The following ARL1 variants were observed in gnomAD, a reference collection of about 807,000 sequenced individuals.
The protein encoded by ARL1 is ARF like GTPase 1.
Under a neutral mutation model 30.1 loss-of-function variants are expected in ARL1, and 17 were observed. The observed-to-expected ratio is 0.56, with a 90% CI of 0.39 to 0.85. The LOEUF (loss-of-function observed/expected upper bound fraction) is 0.85. ARL1 is among the 40% of genes least tolerant of loss of function. ARL1 has a pLI of 0.00. For missense variants in ARL1, 102 were observed against 212.6 expected (o/e 0.48, Z 3.24); for synonymous variants, 58 against 71.7 (o/e 0.81, Z 0.97).
intron 3 of ARL1, 29 bp from the exon 4 acceptor site, chr12:101,401,202 A>C (rs1422004365): frequency 6.8e-7 from 1 of 1,475,004 alleles, no homozygotes; most frequent in South Asian, 1.2e-5. Flanking sequence ...GGGAGAACAT[A>C]TTGTTATTGT....
chr12:101,398,100 TATAGG>T (rs1871198639), intron 4 of ARL1, among the ~76,000 whole-genome samples: 1 of 152,014 alleles, frequency 6.6e-6, no homozygotes, highest in South Asian at 2.1e-4. Flanking sequence ...CATTTTTGTG[TATAGG>T]AAAGTTGAAA....
rs1442343431 is a variant in ARL1, at chr12:101,407,665, C to T, written c.-20G>A. ...ACCCATGATGAACCCCCTGTCCTCC[C>T]TCGCCGATCTTCAGTGATTCCTTGG... On this transcript the variant is annotated 5_prime_UTR_variant, in exon 1 of 6. Coordinates refer to ENST00000261636, the MANE Select transcript of ARL1 (RefSeq NM_001177.6). 1.2e-5 allele frequency: 19 copies of T among 1,612,420 alleles called. No individual in the cohort carries two copies. The highest frequency in any genetic ancestry group is 2.2e-5 in the South Asian group (2 of 91,054).
intron 2 of ARL1, 162 bp from the exon 3 acceptor site, chr12:101,403,108 T>C (rs1238616216): frequency 4.2e-6 from 2 of 478,936 alleles, no homozygotes; most frequent in Admixed American, 3.6e-5. Flanking sequence ...GAAATGGTAA[T>C]TGTTGAATCA....
In ARL1 at chr12:101,399,718, C is replaced by T. The variant is rs1593465425; in HGVS notation, c.336+1344G>A. On this transcript the variant is annotated intron_variant, in intron 4 of 5. Coordinates refer to ENST00000261636, the MANE Select transcript of ARL1 (RefSeq NM_001177.6). The stretch of plus-strand genomic sequence containing the variant: ...GGGCAATTTTATTATTATCATAGTA[C>T]ATTTGATTATTTTTTCATTTTTTAA... Among the ~76,000 whole-genome samples, 4 of 151,992 alleles carry T rather than the reference C, an allele frequency of 2.6e-5. 1 individual carries two copies. Among genetic ancestry groups the T allele is most frequent in the Middle Eastern group, 6.8e-3 (2 of 294 alleles).
chr12:101,400,193 A>G (rs1278409038), intron 4 of ARL1: 1 of 151,882 alleles, frequency 6.6e-6, no homozygotes, highest in African/African-American at 2.4e-5. Context: ...TCGGCCTCCC[A>G]AAGTGCTGGG....
chr12:101,407,212 A>G (rs1871469169), intron 1 of ARL1: 3 of 194,940 alleles, frequency 1.5e-5, no homozygotes, highest in Non-Finnish European at 3.1e-5. Context: ...CGCCCCTGGT[A>G]AAGAGAATGA....
chr12:101,403,373 CATAATAGAGTAGTT>C (rs1471845602), intron 2 of ARL1: 3 of 310,640 alleles, frequency 9.7e-6, no homozygotes, highest in African/African-American at 4.5e-5. Flanking sequence ...AAACTCCCCT[CATAATAGAGTAGTT>C]AAAAGTGTTC....
upstream of ARL1, chr12:101,407,810 G>T: frequency 1.0e-6 from 1 of 956,754 alleles, no homozygotes; most frequent in Non-Finnish European, 1.6e-6. Flanking sequence ...GGGAACGGTG[G>T]CCTGAGCATC....
upstream of ARL1, chr12:101,407,774 G>A: frequency 1.5e-6 from 2 of 1,367,020 alleles, no homozygotes; most frequent in South Asian, 1.2e-5. Flanking sequence ...GGGGGCGGGA[G>A]CGAGGGTCAG....
chr12:101,394,058 A>G lies in ARL1; in HGVS notation c.*1582T>C, dbSNP rs959602734. 6.6e-6 allele frequency: 1 copy of G among 151,902 alleles called. No individual in the cohort carries two copies. Among genetic ancestry groups the G allele is most frequent in the African/African-American group, 2.4e-5 (1 of 41,330 alleles). The allele number at this position is 151,902 out of a possible 1,614,324, so 9.4% of individuals were successfully genotyped here. A position where few individuals can be genotyped will look rare whatever the true frequency, so the allele number is the denominator to read the frequency against. On this transcript the variant is annotated 3_prime_UTR_variant, in exon 6 of 6. Coordinates refer to ENST00000261636, the MANE Select transcript of ARL1 (RefSeq NM_001177.6). The stretch of plus-strand genomic sequence containing the variant: ...GTTGTACTGGAACATTTGTAGCTGA[A>G]GGAAAATCTCCAAAAAAGATTTCAA...
At chr12:101,396,987 G>A (rs1192639958) in intron 4 of ARL1, among the ~76,000 whole-genome samples, 2 of 152,158 alleles carry the variant, frequency 1.3e-5, no homozygotes, top group Admixed American at 6.6e-5. Flanking sequence ...CATAAACTGT[G>A]TTAACTATTT....
Position 101,394,725 on chromosome 12 carries a change from TCTA to T in ARL1, c.*912_*914del, listed in dbSNP as rs1871099042. 1 of 152,226 alleles carries T rather than the reference TCTA, an allele frequency of 6.6e-6. No homozygotes were observed. The highest frequency in any genetic ancestry group is 1.9e-4 in the East Asian group (1 of 5,198). 9.4% of individuals were successfully genotyped at this position (152,226 alleles called of 1,614,324 possible). On this transcript the variant is annotated 3_prime_UTR_variant, in exon 6 of 6. Coordinates refer to ENST00000261636, the MANE Select transcript of ARL1 (RefSeq NM_001177.6). ...TATTTATAGTATGTCACTGATCACT[TCTA>T]CTAGTATAGACAAATAAATTTATAA...
chr12:101,403,615 G>A (rs1169466684), intron 2 of ARL1: 5 of 155,174 alleles, frequency 3.2e-5, no homozygotes, highest in Admixed American at 6.5e-5. Flanking sequence ...CAAAGGGCAG[G>A]TGTCCCATCC....
rs569764256 is a variant in ARL1, at chr12:101,394,864, A to G, written c.*776T>C. ...GTATAGTTTATGAGTCAAGCTTCTG[A>G]ACCAAAAGTTTTACTTTGAGCCCTA... On this transcript the variant is annotated 3_prime_UTR_variant, in exon 6 of 6. Transcript: ENST00000261636. 6.6e-6 allele frequency: 1 copy of G among 152,178 alleles called. No individual in the cohort carries two copies. Among genetic ancestry groups the G allele is most frequent in the Non-Finnish European group, 1.5e-5 (1 of 68,024 alleles). The allele number at this position is 152,178 out of a possible 1,614,324, so 9.4% of individuals were successfully genotyped here.
chr12:101,396,881 C>T lies in ARL1; in HGVS notation c.337-304G>A, dbSNP rs139905649. Among the ~76,000 whole-genome samples, 13 of 152,020 alleles carry T rather than the reference C, an allele frequency of 8.6e-5. No homozygotes were observed. The East Asian group carries it at 2.5e-3, about 29-fold the overall frequency. On this transcript the variant is annotated intron_variant, in intron 4 of 5. Coordinates refer to ENST00000261636, the MANE Select transcript of ARL1 (RefSeq NM_001177.6). ...ATCACATTTATATATAGTTCCATACCCTGCCTAAAAATTAAAATCATGTTT... is the reference window on the plus strand; with the variant it reads ...ATCACATTTATATATAGTTCCATACTCTGCCTAAAAATTAAAATCATGTTT...
Position 101,396,596 on chromosome 12 carries a change from A to T in ARL1, c.337-19T>A. ...CTTCTTCCTAAATGAAATTGAAAAT[A>T]TTTAATTTCTTTTAACTAATGTGCT... On this transcript the variant is annotated intron_variant, in intron 4 of 5. Transcript: ENST00000261636. The T allele has an allele frequency of 6.3e-7, 1 of 1,597,666 alleles. No homozygotes were observed. Among genetic ancestry groups the T allele is most frequent in the Non-Finnish European group, 8.6e-7 (1 of 1,168,972 alleles).
intron 2 of ARL1, chr12:101,403,196 C>T (rs1422408729): frequency 8.1e-6 from 4 of 495,708 alleles, no homozygotes; most frequent in Non-Finnish European, 1.5e-5. Flanking sequence ...GGTGTGTGCA[C>T]AAAACATCAA....
chr12:101,403,975 T>TA, intron 2 of ARL1, among the ~76,000 whole-genome samples: 1 of 151,900 alleles, frequency 6.6e-6, no homozygotes, highest in East Asian at 1.9e-4. Context: ...AATAAATAAA[T>TA]AAAAAATAAC....
At chr12:101,407,567 C>G (rs1315741263) in intron 1 of ARL1, 75 bp downstream of exon 1, 2 of 1,595,412 alleles carry the variant, frequency 1.3e-6, no homozygotes, top group East Asian at 2.2e-5. Flanking sequence ...TGGCCGGCCC[C>G]TCTCCTCCTC....
Sources: allele counts gnomAD v4.1 joint callset (sites outside exome capture counted in the v4.1 genomes callset), GRCh38; gene constraint gnomAD v4.1.1; transcripts MANE v1.5; gene names NCBI Gene and HGNC (gene_info 2026-07-23, HGNC 2026-07-21).